Variants in RTP2 observed in about 807,000 individuals in gnomAD.
RTP2 encodes the protein receptor transporter protein 2.
In RTP2, 12 loss-of-function variants were observed where a neutral mutation model predicts 17.9. That is an observed-to-expected ratio of 0.67 (90% CI 0.43 to 1.09). The LOEUF is 1.09. Ranked by LOEUF, RTP2 falls within the 50% of genes least tolerant of loss-of-function variation. The pLI is 0.00. For missense variants in RTP2, 327 were observed against 295.7 expected (o/e 1.11, Z -0.78); for synonymous variants, 126 against 117.7 (o/e 1.07, Z -0.46).
upstream of RTP2, among the ~76,000 whole-genome samples, chr3:187,702,981 C>A (rs1174426765): frequency 6.7e-6 from 1 of 149,578 alleles, no homozygotes; most frequent in Non-Finnish European, 1.5e-5. Context: ...AAGGTGGCTG[C>A]TGGGGTAATG....
chr3:187,703,993 A>G (rs1470772326), upstream of RTP2, among the ~76,000 whole-genome samples: 2 of 152,180 alleles, frequency 1.3e-5, no homozygotes, highest in African/African-American at 4.8e-5. Flanking sequence ...AGTGAGCACA[A>G]TTACTACTTC....
chr3:187,710,336 CAT>C, the RTP2 span, among the ~76,000 whole-genome samples: 1 of 150,750 alleles, frequency 6.6e-6, no homozygotes, highest in East Asian at 2.0e-4. Context: ...TCTGCAATCA[CAT>C]GAGCGAATTC....
chr3:187,709,129 G>A, the RTP2 span, among the ~76,000 whole-genome samples: 2 of 151,848 alleles, frequency 1.3e-5, no homozygotes, highest in Non-Finnish European at 2.9e-5. Context: ...TTTTTTCCAA[G>A]TTACTATTGT....
the RTP2 span, among the ~76,000 whole-genome samples, chr3:187,710,016 G>T: frequency 1.3e-5 from 2 of 152,300 alleles, no homozygotes; most frequent in East Asian, 3.9e-4. Flanking sequence ...GGTGTTTTTG[G>T]AAGAGATCAG....
exon 2 of RTP2, chr3:187,698,599 C>A (rs531918833): frequency 2.5e-6 from 4 of 1,614,236 alleles, no homozygotes; most frequent in Non-Finnish European, 8.5e-7. Flanking sequence ...AAGTTGTAGC[C>A]GGATCCCGCC....
chr3:187,698,641 A>C, exon 2 of RTP2: 1 of 1,614,244 alleles, frequency 6.2e-7, no homozygotes, highest in Non-Finnish European at 8.5e-7. Context: ...TCAGAGGTGT[A>C]GGTGGTCACC....
intron 1 of RTP2, among the ~76,000 whole-genome samples, chr3:187,700,934 G>A (rs1256970433): frequency 6.6e-6 from 1 of 152,040 alleles, no homozygotes; most frequent in African/African-American, 2.4e-5. Context: ...CCAGGTCTTG[G>A]GACAAGAGTA....
the RTP2 span, among the ~76,000 whole-genome samples, chr3:187,711,926 A>T: frequency 1.3e-5 from 2 of 152,170 alleles, no homozygotes; most frequent in African/African-American, 4.8e-5. Flanking sequence ...GAACATTCTC[A>T]AAAAGACAAA....
chr3:187,708,365 C>T, the RTP2 span, among the ~76,000 whole-genome samples: 2 of 152,188 alleles, frequency 1.3e-5, no homozygotes, highest in Non-Finnish European at 2.9e-5. Context: ...AAAGTAGAAA[C>T]TGCTGGTGCC....
In RTP2 at chr3:187,698,712, C is replaced by T. The variant is rs150186243; in HGVS notation, c.464G>A (p.Cys155Tyr). The T allele has an allele frequency of 3.1e-6, 5 of 1,614,084 alleles. No homozygotes were observed. In the East Asian group the frequency reaches 6.7e-5, roughly 22 times the overall value. The change falls in exon 2 of 2, where the codon TGT (cysteine) becomes TAT (tyrosine). Residue 155 changes from cysteine (C) to tyrosine (Y), a missense_variant. Physicochemically the swap from Cys to Tyr is radical, Grantham distance 194 (BLOSUM62 -2). Coordinates refer to ENST00000358241, the Ensembl canonical transcript of RTP2. Reference sequence around the variant, plus strand: ...AACGATGCCCTCCTGGCAGGCCTCACAGAACTCTGCACGATGCGGCCCGCT... The same window carrying T: ...AACGATGCCCTCCTGGCAGGCCTCATAGAACTCTGCACGATGCGGCCCGCT...
At chr3:187,705,918 TA>T (rs555846992), upstream of RTP2, among the ~76,000 whole-genome samples, 85 of 152,254 alleles carry the variant, frequency 5.6e-4, no homozygotes, top group African/African-American at 2.0e-3. Context: ...TTCAAGTGCA[TA>T]AAATTGGACA....
chr3:187,706,603 T>A (rs1445621517), upstream of RTP2, among the ~76,000 whole-genome samples: 1 of 152,130 alleles, frequency 6.6e-6, no homozygotes, highest in African/African-American at 2.4e-5. Flanking sequence ...GAGTGAATAT[T>A]TCTTTTCTTT....
exon 1 of RTP2, chr3:187,701,984 C>T (rs779747147): frequency 3.7e-6 from 6 of 1,607,846 alleles, no homozygotes; most frequent in Non-Finnish European, 4.3e-6. Flanking sequence ...GCGTGCTGCT[C>T]CAGGTACTGC....
At chr3:187,702,477 G>T in exon 1 of RTP2, 1 of 477,978 alleles carries the variant, frequency 2.1e-6, no homozygotes, top group Non-Finnish European at 4.1e-6. Flanking sequence ...AGGAGGCAAG[G>T]ACTATTTGGT....
chr3:187,703,385 A>G (rs1579784551), upstream of RTP2, among the ~76,000 whole-genome samples: 2 of 152,324 alleles, frequency 1.3e-5, no homozygotes, highest in Admixed American at 1.3e-4. Flanking sequence ...GGACAATGTC[A>G]CTGGATTCTC....
At chr3:187,715,407 C>G in the RTP2 span, among the ~76,000 whole-genome samples, 1 of 152,036 alleles carries the variant, frequency 6.6e-6, no homozygotes, top group Non-Finnish European at 1.5e-5. Context: ...ATAAGGTTCC[C>G]CCCGCCAGGG....
chr3:187,701,363 G>T (rs548720500), intron 1 of RTP2, among the ~76,000 whole-genome samples: 110 of 152,320 alleles, frequency 7.2e-4, no homozygotes, highest in Non-Finnish European at 1.5e-3. Context: ...TATCACAGGT[G>T]CATAGATAAT....
chr3:187,698,303 T>G, exon 2 of RTP2: 3 of 579,360 alleles, frequency 5.2e-6, no homozygotes, highest in Non-Finnish European at 6.0e-6. Context: ...CTTCCCCCAA[T>G]TATTGTCACA....
intron 1 of RTP2, among the ~76,000 whole-genome samples, chr3:187,700,260 G>T (rs761049586): frequency 6.6e-6 from 1 of 152,198 alleles, no homozygotes. Flanking sequence ...ACCCAGAATG[G>T]CCCAAGGTGG....
Sources: gnomAD v4.1 joint callset for allele counts (sites outside exome capture counted in the v4.1 genomes callset) on GRCh38, gnomAD v4.1.1 for gene constraint, MANE v1.5 for transcripts, NCBI Gene and HGNC (gene_info 2026-07-23, HGNC 2026-07-21) for gene names.